Variants in MTRF1 observed in about 807,000 individuals in gnomAD.
MTRF1 encodes peptide chain release factor 1, mitochondrial.
A neutral mutation model predicts 62.9 loss-of-function variants in MTRF1; 51 were observed. The observed-to-expected ratio is 0.81, with a 90% CI of 0.65 to 1.02. MTRF1 has a LOEUF of 1.02. Among genes scored for constraint, MTRF1 ranks in the 50% least tolerant of loss-of-function variants. The pLI, the probability that MTRF1 is intolerant of heterozygous loss-of-function variation, is 0.00. For synonymous variants in MTRF1, 158 were observed against 181.9 expected, an observed-to-expected ratio of 0.87 and a Z score of 1.06; for missense variants, 446 against 530.0, an observed-to-expected ratio of 0.84 and a Z score of 1.56.
chr13:41,284,325 A>G, the MTRF1 span, among the ~76,000 whole-genome samples: 2 of 139,770 alleles, frequency 1.4e-5, no homozygotes, highest in Non-Finnish European at 3.2e-5. Flanking sequence ...ATCTCTACTG[A>G]AAAAAAAAAA....
In MTRF1 at chr13:41,260,365, AAAAC is replaced by A; in HGVS notation, c.415+124_415+127del. ...GAGAACCTGCTTCTGTGGGAAAAAA[AAAAC>A]AAAGACTAAGTTCAATAAAGCTTTA... On this transcript the variant is annotated intron_variant, in intron 2 of 9. Coordinates refer to ENST00000379480, the MANE Select transcript of MTRF1 (RefSeq NM_004294.4). 3.0e-6 allele frequency: 3 copies of A among 992,972 alleles called. 1 individual carries two copies. The highest frequency in any genetic ancestry group is 3.5e-5 in the South Asian group (2 of 57,044). The allele number at this position is 992,972 out of a possible 1,614,324, so 61.5% of individuals were successfully genotyped here.
chr13:41,216,370 C>G lies in MTRF1; in HGVS notation c.*745G>C, dbSNP rs1423285732. 6.8e-6 allele frequency: 1 copy of G among 146,506 alleles called. No individual in the cohort carries two copies. The highest frequency in any genetic ancestry group is 1.5e-5 in the Non-Finnish European group (1 of 66,580). The allele number at this position is 146,506 out of a possible 1,614,324, so 9.1% of individuals were successfully genotyped here. On this transcript the variant is annotated 3_prime_UTR_variant, in exon 10 of 10. Transcript: ENST00000379480. ...AAGAAATAGAAGTCAAACAAAGAGT[C>G]TATTTAAAATATCAGCTTATTGTTT...
chr13:41,289,233 T>TA, the MTRF1 span, among the ~76,000 whole-genome samples: 1 of 186 alleles, frequency 5.4e-3, no homozygotes, highest in Non-Finnish European at 0.015. Context: ...TGGATTTAAA[T>TA]TTTTTTTTTT....
intron 2 of MTRF1, among the ~76,000 whole-genome samples, chr13:41,258,339 T>C (rs2039989684): frequency 6.6e-6 from 1 of 152,130 alleles, no homozygotes; most frequent in Non-Finnish European, 1.5e-5. Flanking sequence ...TAGCCAAATC[T>C]GGATAAATGT....
At chr13:41,273,249 C>T in the MTRF1 span, among the ~76,000 whole-genome samples, 2 of 151,844 alleles carry the variant, frequency 1.3e-5, no homozygotes, top group East Asian at 3.9e-4. Flanking sequence ...TGGCATGAAC[C>T]CGGGTGGCGG....
chr13:41,271,054 TACACAC>T, the MTRF1 span, among the ~76,000 whole-genome samples: 69,305 of 143,180 alleles, frequency 0.48, 17,172 homozygotes, highest in South Asian at 0.57. Flanking sequence ...GCCTTTTAAA[TACACAC>T]ACACACACAC....
At chr13:41,300,571 G>T in the MTRF1 span, among the ~76,000 whole-genome samples, 682 of 145,772 alleles carry the variant, frequency 4.7e-3, 5 homozygotes, top group Non-Finnish European at 7.2e-3. Context: ...GGGCGACACA[G>T]CAAGACTCCG....
At chr13:41,223,455 T>C in intron 8 of MTRF1, 101 bp from the exon 9 acceptor site, 1 of 909,718 alleles carries the variant, frequency 1.1e-6, no homozygotes, top group Non-Finnish European at 1.7e-6. Context: ...ATTTAGATAC[T>C]TTCTAAAAGA....
Position 41,263,495 on chromosome 13 carries a change from G to C in MTRF1, c.-19C>G, listed in dbSNP as rs1294700471. ...AAGAACTGTGAGTACCTAAGAAAAAGAAGAATACACGTTAGCTCTCTTTAC... is the reference window on the plus strand; with the variant it reads ...AAGAACTGTGAGTACCTAAGAAAAACAAGAATACACGTTAGCTCTCTTTAC... On this transcript the variant is annotated 5_prime_UTR_variant, in exon 1 of 10. Transcript: ENST00000379480. The C allele has an allele frequency of 3.3e-6, 1 of 303,464 alleles. No individual in the cohort carries two copies. Among genetic ancestry groups the C allele is most frequent in the African/African-American group, 2.2e-5 (1 of 45,656 alleles). The allele number at this position is 303,464 out of a possible 1,614,324, so 18.8% of individuals were successfully genotyped here.
At chr13:41,248,485 T>C in intron 5 of MTRF1, among the ~76,000 whole-genome samples, 1 of 152,200 alleles carries the variant, frequency 6.6e-6, no homozygotes, top group South Asian at 2.1e-4. Context: ...TGTTTGGCAG[T>C]GGGGTACCAC....
chr13:41,260,132 C>T (rs903361925), intron 2 of MTRF1, among the ~76,000 whole-genome samples: 1 of 152,134 alleles, frequency 6.6e-6, no homozygotes, highest in Non-Finnish European at 1.5e-5. Context: ...GAGTCCTGTT[C>T]TTTCCAAGTG....
chr13:41,284,545 A>G, the MTRF1 span, among the ~76,000 whole-genome samples: 2 of 144,730 alleles, frequency 1.4e-5, no homozygotes, highest in South Asian at 2.1e-4. Flanking sequence ...CCGTGTCTCA[A>G]AAAAAAAAAA....
chr13:41,260,073 T>C (rs1458824606), intron 2 of MTRF1, among the ~76,000 whole-genome samples: 1 of 152,244 alleles, frequency 6.6e-6, no homozygotes, highest in East Asian at 1.9e-4. Flanking sequence ...CCTGTTTACT[T>C]AGTACATTGA....
In MTRF1 at chr13:41,233,954, T is replaced by TTTG. The variant is rs1393212903; in HGVS notation, c.921_923dup (p.Ala307_Lys308insAsn). 6.2e-7 allele frequency: 1 copy of TTTG among 1,614,184 alleles called. No individual in the cohort carries two copies. The highest frequency in any genetic ancestry group is 1.3e-5 in the African/African-American group (1 of 75,058). ...TATTAACATGCTGCCCTCCTGCTCC[T>TTTG]TTGGCTCGAAATGTATCTATTCGCA... On this transcript the variant is annotated inframe_insertion, in exon 7 of 10. Transcript: ENST00000379480.
chr13:41,237,305 A>C (rs1360469520), intron 6 of MTRF1, among the ~76,000 whole-genome samples: 1 of 151,630 alleles, frequency 6.6e-6, no homozygotes, highest in African/African-American at 2.4e-5. Flanking sequence ...AAGCAAGATA[A>C]CTCTATGGTT....
intron 7 of MTRF1, among the ~76,000 whole-genome samples, chr13:41,231,446 A>C (rs950194043): frequency 6.6e-6 from 1 of 152,248 alleles, no homozygotes; most frequent in African/African-American, 2.4e-5. Flanking sequence ...AAGGGAGGGC[A>C]AGTATGGAGT....
the MTRF1 span, among the ~76,000 whole-genome samples, chr13:41,311,975 A>G: frequency 6.6e-6 from 1 of 152,218 alleles, no homozygotes; most frequent in East Asian, 1.9e-4. Flanking sequence ...CTCCTCGGCT[A>G]GGTGTTTTGC....
At chr13:41,281,978 T>C in the MTRF1 span, among the ~76,000 whole-genome samples, 2 of 151,268 alleles carry the variant, frequency 1.3e-5, no homozygotes, top group African/African-American at 2.4e-5. Context: ...CTACTAAAAA[T>C]ACAAAAAAAA....
chr13:41,250,450 G>A (rs1466803975), intron 5 of MTRF1, among the ~76,000 whole-genome samples: 1 of 151,632 alleles, frequency 6.6e-6, no homozygotes, highest in Non-Finnish European at 1.5e-5. Context: ...CCTGAGTTCT[G>A]TTGTCTCACC....
Sources: gnomAD v4.1 joint callset for allele counts (sites outside exome capture counted in the v4.1 genomes callset) on GRCh38, gnomAD v4.1.1 for gene constraint, MANE v1.5 for transcripts, NCBI Gene and HGNC (gene_info 2026-07-23, HGNC 2026-07-21) for gene names.